SCFD1: variants seen among roughly 807,000 people sequenced by gnomAD.
The protein encoded by SCFD1 is sec1 family domain-containing protein 1.
In SCFD1, 37 loss-of-function variants were observed where a neutral mutation model predicts 103.2. The observed-to-expected ratio is 0.36, with a 90% confidence interval of 0.28 to 0.47. The LOEUF is 0.47. Among genes scored for constraint, SCFD1 ranks in the 20% least tolerant of loss-of-function variants. SCFD1 has a pLI of 1.00. For missense variants in SCFD1, 639 were observed against 761.2 expected (o/e 0.84, Z 1.89); for synonymous variants, 264 against 245.0 (o/e 1.08, Z -0.73).
At chr14:30,700,290 G>A (rs1248896787) in intron 16 of SCFD1, 32 bp downstream of exon 16, 7 of 1,374,734 alleles carry the variant, frequency 5.1e-6, no homozygotes, top group Non-Finnish European at 6.2e-6. Context: ...TGGGAGGAAG[G>A]GGAATGCTTG....
At chr14:30,695,827 G>A (rs934763172) in intron 15 of SCFD1, among the ~76,000 whole-genome samples, 2 of 151,934 alleles carry the variant, frequency 1.3e-5, no homozygotes, top group African/African-American at 4.8e-5. Flanking sequence ...AGCTAAGATC[G>A]CACAACTGCA....
At chr14:30,730,261 A>T (rs962784221) in intron 23 of SCFD1, among the ~76,000 whole-genome samples, 2 of 152,106 alleles carry the variant, frequency 1.3e-5, no homozygotes, top group African/African-American at 2.4e-5. Context: ...TCTATCATTG[A>T]TGGACATTTG....
intron 17 of SCFD1, among the ~76,000 whole-genome samples, chr14:30,703,368 T>C (rs1267002755): frequency 6.7e-6 from 1 of 150,112 alleles, no homozygotes; most frequent in Admixed American, 6.7e-5. Flanking sequence ...TTATGATCCC[T>C]GTTTATCCAT....
intron 13 of SCFD1, 100 bp from the exon 14 acceptor site, chr14:30,674,884 A>G (rs1412820808): frequency 1.7e-6 from 1 of 573,824 alleles, no homozygotes; most frequent in South Asian, 3.0e-5. Context: ...TTACTGTTTC[A>G]CTGTTCTGAG....
chr14:30,702,250 T>C, intron 16 of SCFD1, 46 bp from the exon 17 acceptor site: 4 of 1,255,084 alleles, frequency 3.2e-6, no homozygotes, highest in Non-Finnish European at 4.5e-6. Flanking sequence ...ATAACATCTT[T>C]CTTGAAAGTA....
intron 10 of SCFD1, among the ~76,000 whole-genome samples, chr14:30,657,273 C>T (rs1005317512): frequency 6.6e-6 from 1 of 152,038 alleles, no homozygotes; most frequent in Non-Finnish European, 1.5e-5. Flanking sequence ...ATAATTGCAA[C>T]ATAAAAAGGG....
intron 14 of SCFD1, chr14:30,676,118 G>T (rs894738518): frequency 1.3e-5 from 2 of 152,164 alleles, no homozygotes; most frequent in Non-Finnish European, 2.9e-5. Context: ...TCTTGTGGAG[G>T]TGATACAGAT....
At chr14:30,643,229 T>A (rs1166369466) in intron 6 of SCFD1, 87 bp from the exon 7 acceptor site, 5 of 909,306 alleles carry the variant, frequency 5.5e-6, no homozygotes, top group African/African-American at 1.7e-5. Flanking sequence ...ATATGTCAAT[T>A]AAGAATTTAG....
chr14:30,703,967 A>G (rs528768813), intron 17 of SCFD1, among the ~76,000 whole-genome samples: 38 of 104,496 alleles, frequency 3.6e-4, no homozygotes, highest in Admixed American at 5.9e-4. Context: ...ATATATAAAT[A>G]ATGAGATATC....
Position 30,638,163 on chromosome 14 carries a change from T to C in SCFD1, c.351T>C (p.Asn117=). 6.2e-7 allele frequency: 1 copy of C among 1,611,792 alleles called. No homozygotes were observed. The highest frequency in any genetic ancestry group is 8.5e-7 in the Non-Finnish European group (1 of 1,178,940). The change falls in exon 5 of 25, where the codon AAT becomes AAC. Residue 117 remains asparagine (N), a synonymous_variant. Transcript: ENST00000458591. ...RNQLYESYYL[N]FISAISRSKL... ...AACTATATGAATCATATTATTTAAA[T>C]TTTATTTCTGCTATTTCAAGAAGTA... is the stretch of plus-strand genomic sequence containing the variant.
chr14:30,633,223 T>C lies in SCFD1; in HGVS notation c.222-724T>C, dbSNP rs189722031. Among the ~76,000 whole-genome samples, 12 of 152,314 alleles carry C rather than the reference T, an allele frequency of 7.9e-5. No homozygotes were observed. The East Asian group carries it at 1.7e-3, about 22-fold the overall frequency. ...TAAACACAGACTCACTGGCAGCATG[T>C]GCCTCTTTCCTCTCTCTCCTTGATT... On this transcript the variant is annotated intron_variant, in intron 3 of 24. Coordinates refer to ENST00000458591, the MANE Select transcript of SCFD1 (RefSeq NM_016106.4).
At chr14:30,635,129 G>A (rs975832651) in intron 4 of SCFD1, 8 of 369,408 alleles carry the variant, frequency 2.2e-5, no homozygotes, top group African/African-American at 1.7e-4. Flanking sequence ...TGCAAATTTT[G>A]TGTCCTGTGT....
chr14:30,715,271 G>C (rs572093750), intron 19 of SCFD1: 17 of 152,200 alleles, frequency 1.1e-4, no homozygotes, highest in African/African-American at 3.6e-4. Context: ...TCCACAGAGA[G>C]GAAATGAAAA....
At chr14:30,622,774 C>A (rs776695338) in intron 1 of SCFD1, among the ~76,000 whole-genome samples, 1 of 152,166 alleles carries the variant, frequency 6.6e-6, no homozygotes, top group South Asian at 2.1e-4. Context: ...TTTAAGAGAA[C>A]TCCCATTTTC....
rs768806048 is a variant in SCFD1, at chr14:30,700,223, A to G, written c.1375A>G (p.Ile459Val). Reference sequence around the variant, plus strand: ...AGAAGATAAAATGAGGTTGTTTCTTATCTATTATATAAGCACACAGCAAGC... The same window carrying G: ...AGAAGATAAAATGAGGTTGTTTCTTGTCTATTATATAAGCACACAGCAAGC... Reference protein sequence around the residue: ...TPEDKMRLFLIYYISTQQAPS... With the variant: ...TPEDKMRLFLVYYISTQQAPS... The change falls in exon 16 of 25, where the codon ATC (isoleucine) becomes GTC (valine). Residue 459 changes from isoleucine to valine, a missense_variant. By Grantham distance (29) the Ile-to-Val change is conservative (BLOSUM62 3). Coordinates refer to ENST00000458591, the MANE Select transcript of SCFD1 (RefSeq NM_016106.4). 2 of 1,611,494 alleles carry G rather than the reference A, an allele frequency of 1.2e-6. No individual in the cohort carries two copies. Among genetic ancestry groups the G allele is most frequent in the Admixed American group, 1.7e-5 (1 of 59,956 alleles).
chr14:30,651,893 T>C (rs1886426737), intron 9 of SCFD1, among the ~76,000 whole-genome samples: 2 of 152,210 alleles, frequency 1.3e-5, no homozygotes. Context: ...CATGTTTGGT[T>C]GTCATAACTG....
At chr14:30,713,026 A>ATGTT (rs1203141057) in intron 19 of SCFD1, among the ~76,000 whole-genome samples, 1 of 152,190 alleles carries the variant, frequency 6.6e-6, no homozygotes, top group Non-Finnish European at 1.5e-5. Context: ...ATGTGCTAAT[A>ATGTT]TGTTAGCTGC....
intron 15 of SCFD1, among the ~76,000 whole-genome samples, chr14:30,699,230 G>A (rs369110594): frequency 5.3e-5 from 8 of 152,090 alleles, no homozygotes; most frequent in South Asian, 2.1e-4. Context: ...CAGGGAGTAC[G>A]GATAATTAGA....
At chr14:30,622,273 G>A (rs1307118200), upstream of SCFD1, 29 of 1,582,366 alleles carry the variant, frequency 1.8e-5, no homozygotes, top group East Asian at 6.3e-4. Flanking sequence ...CTTCCGGGGC[G>A]GTAAGGGCAG....
Sources: allele counts gnomAD v4.1 joint callset (sites outside exome capture counted in the v4.1 genomes callset), GRCh38; gene constraint gnomAD v4.1.1; transcripts MANE v1.5; gene names NCBI Gene and HGNC (gene_info 2026-07-23, HGNC 2026-07-21).